FER: variants seen among roughly 807,000 people sequenced by gnomAD.
The protein encoded by FER is FER tyrosine kinase, also known as tyrosine-protein kinase Fer.
In FER, 63 loss-of-function variants were observed where a neutral mutation model predicts 111.0. The ratio of observed to expected loss-of-function variants is 0.57; its 90% CI spans 0.46 to 0.70. The LOEUF is 0.70. FER is among the 30% of genes least tolerant of loss of function. The probability of loss-of-function intolerance (pLI) is 0.00; values close to 1 mark genes in which losing one functional copy is unlikely to be tolerated. For missense variants in FER, 914 were observed against 954.0 expected, an observed-to-expected ratio of 0.96 and a Z score of 0.55; for synonymous variants, 327 against 313.9, an observed-to-expected ratio of 1.04 and a Z score of -0.44.
chr5:109,008,393 C>T (rs1226598113), intron 13 of FER, among the ~76,000 whole-genome samples: 2 of 152,062 alleles, frequency 1.3e-5, no homozygotes, highest in Non-Finnish European at 2.9e-5. Context: ...TCTGTAGTTT[C>T]TTCAGTATTA....
At chr5:109,142,687 G>A (rs1230956256) in intron 17 of FER, among the ~76,000 whole-genome samples, 4 of 151,924 alleles carry the variant, frequency 2.6e-5, no homozygotes, top group African/African-American at 7.3e-5. Flanking sequence ...TTGGCCAAAG[G>A]CATCAAAGGC....
At chr5:108,986,498 T>G (rs896307662) in intron 13 of FER, among the ~76,000 whole-genome samples, 3 of 152,172 alleles carry the variant, frequency 2.0e-5, no homozygotes, top group Non-Finnish European at 4.4e-5. Context: ...GCTTTTGGGT[T>G]CTTGGTTATG....
At chr5:108,940,798 T>C (rs1308779256) in intron 10 of FER, among the ~76,000 whole-genome samples, 1 of 152,024 alleles carries the variant, frequency 6.6e-6, no homozygotes, top group Non-Finnish European at 1.5e-5. Context: ...AATGGTGGTA[T>C]GTAGGGTGTG....
chr5:109,051,373 G>C lies in FER; in HGVS notation c.1924+4175G>C. The C allele has an allele frequency of 5.6e-6, 9 of 1,611,836 alleles. 1 individual carries two copies. In the South Asian group the frequency reaches 9.9e-5, roughly 18 times the overall value. On this transcript the variant is annotated intron_variant, in intron 16 of 19. Transcript: ENST00000281092. ...GGCACGACTGCTGGCTCTGCTTGAA[G>C]GTTGCTGGTCCACAATGGCTAGTGG... is the stretch of plus-strand genomic sequence containing the variant.
intron 17 of FER, among the ~76,000 whole-genome samples, chr5:109,109,987 G>A (rs1749409100): frequency 1.3e-5 from 2 of 152,080 alleles, no homozygotes; most frequent in Admixed American, 1.3e-4. Flanking sequence ...GTGTTAACAA[G>A]GTTGAATCCT....
chr5:109,141,197 C>G (rs1481796043), intron 17 of FER, among the ~76,000 whole-genome samples: 1 of 152,084 alleles, frequency 6.6e-6, no homozygotes, highest in Non-Finnish European at 1.5e-5. Context: ...CAAAGATTTC[C>G]TTTTTTGAAA....
chr5:109,033,305 A>G (rs997624808), intron 13 of FER, among the ~76,000 whole-genome samples: 1 of 152,174 alleles, frequency 6.6e-6, no homozygotes, highest in Non-Finnish European at 1.5e-5. Flanking sequence ...GACCAGAAAT[A>G]TGTAGTATAA....
At chr5:108,971,696 C>T (rs571129615) in intron 13 of FER, among the ~76,000 whole-genome samples, 1 of 152,212 alleles carries the variant, frequency 6.6e-6, no homozygotes. Context: ...TCTACATCAG[C>T]ATTTTCCCCC....
rs928450871 is a variant in FER at position 109,178,860 on chromosome 5, G to C, written c.2049-1887G>C. Among the ~76,000 whole-genome samples, 3 of 152,204 alleles carry C rather than the reference G, an allele frequency of 2.0e-5. No homozygotes were observed. In the East Asian group the frequency reaches 5.8e-4, roughly 29 times the overall value. On this transcript the variant is annotated intron_variant, in intron 17 of 19. Transcript: ENST00000281092. ...AACACATCAGCCAGAAATTTTGGTTGTGAGTGCATTAAATCTATACATTAA... is the reference window on the plus strand; with the variant it reads ...AACACATCAGCCAGAAATTTTGGTTCTGAGTGCATTAAATCTATACATTAA...
intron 10 of FER, among the ~76,000 whole-genome samples, chr5:108,944,262 AC>A (rs1487810481): frequency 6.6e-6 from 1 of 152,100 alleles, no homozygotes; most frequent in African/African-American, 2.4e-5. Context: ...TACTTACAGC[AC>A]TTTTTCTGAG....
chr5:108,955,264 A>AACTT (rs1412101301), intron 12 of FER, among the ~76,000 whole-genome samples: 1 of 151,910 alleles, frequency 6.6e-6, no homozygotes, highest in East Asian at 1.9e-4. Flanking sequence ...TTTCTAGAGA[A>AACTT]ACTTAAGTTT....
chr5:109,014,544 A>G (rs577822641), intron 13 of FER, among the ~76,000 whole-genome samples: 1 of 152,268 alleles, frequency 6.6e-6, no homozygotes, highest in East Asian at 1.9e-4. Flanking sequence ...CTTTTGGCTT[A>G]GGATTGACTT....
intron 16 of FER, among the ~76,000 whole-genome samples, chr5:109,075,338 A>G (rs1362560914): frequency 2.0e-5 from 3 of 152,174 alleles, no homozygotes; most frequent in Non-Finnish European, 2.9e-5. Context: ...CTGTAAATCA[A>G]TAGCAAATAT....
intron 13 of FER, among the ~76,000 whole-genome samples, chr5:109,018,010 T>G (rs1262837758): frequency 3.3e-5 from 5 of 151,912 alleles, no homozygotes; most frequent in South Asian, 4.1e-4. Flanking sequence ...CATCTTACTT[T>G]GTAATAGTAG....
At chr5:109,175,882 G>C (rs1757628192) in intron 17 of FER, among the ~76,000 whole-genome samples, 1 of 152,212 alleles carries the variant, frequency 6.6e-6, no homozygotes, top group African/African-American at 2.4e-5. Flanking sequence ...GGGAGGCCGA[G>C]GTGGGAGAAT....
At chr5:109,140,795 A>C (rs779972000) in intron 17 of FER, among the ~76,000 whole-genome samples, 8 of 152,202 alleles carry the variant, frequency 5.3e-5, no homozygotes, top group Non-Finnish European at 1.0e-4. Flanking sequence ...TATTTAAATC[A>C]TAATGAATTG....
chr5:108,959,094 A>G (rs1051804148), intron 12 of FER, 131 bp from the exon 13 acceptor site: 1 of 718,388 alleles, frequency 1.4e-6, no homozygotes, highest in African/African-American at 1.8e-5. Context: ...GGTATAGTTC[A>G]GTAGTGTTAA....
At chr5:108,962,889 C>T (rs1300574662) in intron 13 of FER, among the ~76,000 whole-genome samples, 1 of 152,046 alleles carries the variant, frequency 6.6e-6, no homozygotes, top group African/African-American at 2.4e-5. Context: ...TTCTTAACCA[C>T]TATATATTTT....
At chr5:108,920,198 AAAATT>A (rs1361016568) in intron 10 of FER, among the ~76,000 whole-genome samples, 1 of 152,166 alleles carries the variant, frequency 6.6e-6, no homozygotes, top group Non-Finnish European at 1.5e-5. Flanking sequence ...TTTTAAAAAT[AAAATT>A]AAATGCATAT....
Sources: allele counts gnomAD v4.1 joint callset (sites outside exome capture counted in the v4.1 genomes callset), GRCh38; gene constraint gnomAD v4.1.1; transcripts MANE v1.5; gene names NCBI Gene and HGNC (gene_info 2026-07-23, HGNC 2026-07-21).